The following HMCN1 variants were observed in gnomAD, a reference collection of about 807,000 sequenced individuals.
The protein encoded by HMCN1 is hemicentin-1.
A neutral mutation model predicts 625.9 loss-of-function variants in HMCN1; 321 were observed. The ratio of observed to expected loss-of-function variants is 0.51; its 90% CI spans 0.47 to 0.56. HMCN1 has a LOEUF of 0.56. Ranked by LOEUF, HMCN1 falls within the 20% of genes least tolerant of loss-of-function variation. The probability of loss-of-function intolerance (pLI) is 0.00; values close to 1 mark genes in which losing one functional copy is unlikely to be tolerated. For missense variants in HMCN1, 6,588 were observed against 6,887.3 expected (o/e 0.96, Z 1.54); for synonymous variants, 2,425 against 2,417.6 (o/e 1.00, Z -0.09).
chr1:185,898,326 G>A (rs534412423), intron 4 of HMCN1, among the ~76,000 whole-genome samples: 21 of 152,312 alleles, frequency 1.4e-4, no homozygotes, highest in African/African-American at 4.3e-4. Context: ...GAGCAAGTCA[G>A]GAAGTTGAGA....
intron 2 of HMCN1, among the ~76,000 whole-genome samples, chr1:185,851,154 A>T (rs566079603): frequency 6.6e-6 from 1 of 152,200 alleles, no homozygotes; most frequent in South Asian, 2.1e-4. Flanking sequence ...TTTATGTATG[A>T]TTTTCAAACC....
At chr1:186,156,505 T>A (rs1651029193) in intron 97 of HMCN1, among the ~76,000 whole-genome samples, 1 of 152,180 alleles carries the variant, frequency 6.6e-6, no homozygotes, top group African/African-American at 2.4e-5. Flanking sequence ...GACGACTGCC[T>A]AGTATTACAG....
intron 75 of HMCN1, 58 bp downstream of exon 75, chr1:186,115,472 A>G (rs1182665305): frequency 6.7e-7 from 1 of 1,494,920 alleles, no homozygotes; most frequent in African/African-American, 1.4e-5. Flanking sequence ...ATGAATCAAC[A>G]TTTTAATTCT....
intron 4 of HMCN1, among the ~76,000 whole-genome samples, chr1:185,898,376 G>C (rs1216441040): frequency 6.6e-6 from 1 of 152,166 alleles, no homozygotes; most frequent in East Asian, 1.9e-4. Context: ...TCCAGAGTCA[G>C]GAGATCAGAA....
At chr1:186,140,405 TCTC>T (rs1419967041) in intron 89 of HMCN1, among the ~76,000 whole-genome samples, 103 of 152,290 alleles carry the variant, frequency 6.8e-4, no homozygotes, top group African/African-American at 2.2e-3. Flanking sequence ...TTGTCTAACA[TCTC>T]CTCATGATTA....
chr1:185,847,756 C>A (rs978532708), intron 2 of HMCN1, among the ~76,000 whole-genome samples: 1 of 152,058 alleles, frequency 6.6e-6, no homozygotes, highest in Non-Finnish European at 1.5e-5. Context: ...AGTTTGAGAC[C>A]AGCCTGGGCG....
At chr1:185,961,552 T>C (rs1339553351) in intron 11 of HMCN1, among the ~76,000 whole-genome samples, 2 of 152,216 alleles carry the variant, frequency 1.3e-5, no homozygotes, top group African/African-American at 2.4e-5. Flanking sequence ...TTTACTTTTG[T>C]TTACCTTATT....
At chr1:185,922,009 G>A (rs755306904) in intron 6 of HMCN1, among the ~76,000 whole-genome samples, 37 of 152,176 alleles carry the variant, frequency 2.4e-4, no homozygotes, top group Non-Finnish European at 4.6e-4. Flanking sequence ...ATTTGTGGAA[G>A]AAGGTTTCAA....
At chr1:185,882,703 T>C (rs1285268620) in intron 4 of HMCN1, among the ~76,000 whole-genome samples, 4 of 152,170 alleles carry the variant, frequency 2.6e-5, no homozygotes, top group Non-Finnish European at 5.9e-5. Flanking sequence ...GTATATTTTA[T>C]GAATTTTTTT....
At chr1:186,171,479 A>G in intron 101 of HMCN1, 29 bp downstream of exon 101, 5 of 1,461,154 alleles carry the variant, frequency 3.4e-6, no homozygotes, top group Non-Finnish European at 3.8e-6. Flanking sequence ...ATTTAAAGGA[A>G]TGACACCTCT....
In HMCN1 at chr1:185,961,811, A is replaced by AT. The variant is rs531747405; in HGVS notation, c.1829-697dup. On this transcript the variant is annotated intron_variant, in intron 11 of 106. Transcript: ENST00000271588. Reference sequence around the variant, plus strand: ...ATGAAAGAGAAAGTTTGAATAACTGATTTTTTTTTTAAGTTGAGGTCCTGT... The same window carrying AT: ...ATGAAAGAGAAAGTTTGAATAACTGATTTTTTTTTTTAAGTTGAGGTCCTGT... Among the ~76,000 whole-genome samples the AT allele has an allele frequency of 4.2e-3, 634 of 150,608 alleles. 3 individuals are homozygous for AT. The highest frequency in any genetic ancestry group is 0.011 in the African/African-American group (449 of 41,158).
intron 30 of HMCN1, among the ~76,000 whole-genome samples, chr1:186,012,883 C>T (rs572898690): frequency 2.6e-5 from 4 of 152,076 alleles, no homozygotes; most frequent in Non-Finnish European, 5.9e-5. Flanking sequence ...TATAGTGTTA[C>T]AAAATAAACA....
At chr1:185,770,071 G>A (rs1331955409) in intron 1 of HMCN1, among the ~76,000 whole-genome samples, 3 of 152,130 alleles carry the variant, frequency 2.0e-5, no homozygotes, top group Non-Finnish European at 4.4e-5. Flanking sequence ...GACAGTTCCA[G>A]CTATTTTTGC....
At chr1:185,797,683 T>TTATACTTTTATGTTCTTTTTA (rs1553241683) in intron 1 of HMCN1, among the ~76,000 whole-genome samples, 1 of 147,762 alleles carries the variant, frequency 6.8e-6, no homozygotes, top group Admixed American at 6.6e-5. Context: ...AAGACTTGTT[T>TTATACTTTTATGTTCTTTTTA]TGGCCGGGCG....
intron 106 of HMCN1, 70 bp downstream of exon 106, chr1:186,188,079 C>T: frequency 6.4e-7 from 1 of 1,567,254 alleles, no homozygotes; most frequent in Non-Finnish European, 8.8e-7. Context: ...CCAACATAAA[C>T]TTTAGTCTCT....
At chr1:185,784,839 C>G (rs866234201) in intron 1 of HMCN1, among the ~76,000 whole-genome samples, 1 of 152,154 alleles carries the variant, frequency 6.6e-6, no homozygotes, top group African/African-American at 2.4e-5. Context: ...ATGCGTCTAC[C>G]ATGTAAGCCC....
intron 4 of HMCN1, among the ~76,000 whole-genome samples, chr1:185,885,202 C>A (rs1198600514): frequency 3.3e-5 from 5 of 151,356 alleles, no homozygotes; most frequent in African/African-American, 9.7e-5. Flanking sequence ...ACAAATTATT[C>A]ATTATTCTTA....
chr1:185,951,576 AGAAGATCTGG>A, intron 11 of HMCN1, among the ~76,000 whole-genome samples: 1 of 151,444 alleles, frequency 6.6e-6, no homozygotes, highest in South Asian at 2.1e-4. Flanking sequence ...CGCTAAGCCG[AGAAGATCTGG>A]GAAGGAGTCA....
At chr1:185,928,925 T>C (rs1265543643) in intron 10 of HMCN1, among the ~76,000 whole-genome samples, 1 of 152,084 alleles carries the variant, frequency 6.6e-6, no homozygotes, top group East Asian at 1.9e-4. Flanking sequence ...AACCGTCTCA[T>C]GGGGAAACTG....
Sources: allele counts gnomAD v4.1 joint callset (sites outside exome capture counted in the v4.1 genomes callset), GRCh38; gene constraint gnomAD v4.1.1; transcripts MANE v1.5; gene names NCBI Gene and HGNC (gene_info 2026-07-23, HGNC 2026-07-21).